Variants in BCL2 observed in about 807,000 individuals in gnomAD.
BCL2 encodes BCL2 apoptosis regulator.
In BCL2, 1 loss-of-function variant was observed where a neutral mutation model predicts 14.2. The observed-to-expected ratio is 0.07, with a 90% confidence interval of 0.02 to 0.33. BCL2 has a LOEUF of 0.33. Among genes scored for constraint, BCL2 ranks in the 10% least tolerant of loss-of-function variants. The probability of loss-of-function intolerance (pLI) is 0.99; values close to 1 mark genes in which losing one functional copy is unlikely to be tolerated. For missense variants in BCL2, 247 were observed against 305.9 expected, an observed-to-expected ratio of 0.81 and a Z score of 1.44; for synonymous variants, 151 against 137.2, an observed-to-expected ratio of 1.10 and a Z score of -0.70.
At chr18:63,159,994 AT>A (rs1161219579) in intron 2 of BCL2, among the ~76,000 whole-genome samples, 2 of 152,200 alleles carry the variant, frequency 1.3e-5, no homozygotes, top group Non-Finnish European at 2.9e-5. Flanking sequence ...TCTCAGTATC[AT>A]TTACATACAA....
At chr18:63,303,571 A>T (rs1913029702) in intron 2 of BCL2, among the ~76,000 whole-genome samples, 3 of 152,158 alleles carry the variant, frequency 2.0e-5, no homozygotes. Flanking sequence ...CATGAACATC[A>T]CTTGGATTGC....
intron 2 of BCL2, among the ~76,000 whole-genome samples, chr18:63,285,756 C>T (rs974445564): frequency 6.6e-6 from 1 of 152,174 alleles, no homozygotes; most frequent in African/African-American, 2.4e-5. Flanking sequence ...AATCTGTCTG[C>T]ATGGGGCTGG....
chr18:63,257,545 C>T (rs1319702902), intron 2 of BCL2, among the ~76,000 whole-genome samples: 1 of 152,166 alleles, frequency 6.6e-6, no homozygotes, highest in Admixed American at 6.5e-5. Flanking sequence ...ACTTTCAGAT[C>T]CTATCAATAG....
At position 63,212,934 on chromosome 18, in the gene BCL2, T is replaced by C. The variant is rs533959441; in HGVS notation, c.586-84175A>G. 2.1e-3 allele frequency among the ~76,000 whole-genome samples: 320 copies of C among 152,282 alleles called. 1 individual carries two copies. The highest frequency in any genetic ancestry group is 0.01 in the Middle Eastern group (3 of 294). ...AAGGATGAAAAAGTAGGAAAGAGACTGCAGGAAAGGAATGTGAGAGAGGAA... is the reference window on the plus strand; with the variant it reads ...AAGGATGAAAAAGTAGGAAAGAGACCGCAGGAAAGGAATGTGAGAGAGGAA... On this transcript the variant is annotated intron_variant, in intron 2 of 2. Transcript: ENST00000333681.
intron 2 of BCL2, among the ~76,000 whole-genome samples, chr18:63,132,644 AAT>A: frequency 6.6e-6 from 1 of 152,322 alleles, no homozygotes; most frequent in South Asian, 2.1e-4. Flanking sequence ...GCCCTTCTAC[AAT>A]TCCAAAGTGC....
At chr18:63,216,240 C>T (rs1035813727) in intron 2 of BCL2, among the ~76,000 whole-genome samples, 1 of 151,554 alleles carries the variant, frequency 6.6e-6, no homozygotes, top group South Asian at 2.1e-4. Context: ...AAAAATAACA[C>T]AGTGGAAGTG....
At chr18:63,244,069 C>T (rs1911087232) in intron 2 of BCL2, among the ~76,000 whole-genome samples, 1 of 152,086 alleles carries the variant, frequency 6.6e-6, no homozygotes, top group Non-Finnish European at 1.5e-5. Context: ...CATAGTGAGA[C>T]CTCGTCTCTA....
chr18:63,230,641 A>G lies in BCL2; in HGVS notation c.585+87441T>C, dbSNP rs185336271. On this transcript the variant is annotated intron_variant, in intron 2 of 2. Coordinates refer to ENST00000333681, the MANE Select transcript of BCL2 (RefSeq NM_000633.3). ...AACACTATTAGGCATAAAATGGGTC[A>G]TAACTAAATAGAGTAAAGATTTTAA... Among the ~76,000 whole-genome samples the G allele has an allele frequency of 1.8e-4, 27 of 152,188 alleles. No individual in the cohort carries two copies. The East Asian group carries it at 5.0e-3, about 28-fold the overall frequency.
chr18:63,198,331 CACACACACAGACACAGAG>C (rs1465959011), intron 2 of BCL2, among the ~76,000 whole-genome samples: 1 of 146,970 alleles, frequency 6.8e-6, no homozygotes, highest in South Asian at 2.2e-4. Context: ...GACACAGAGA[CACACACACAGACACAGAG>C]ACACACACAG....
At position 63,125,998 on chromosome 18, in the gene BCL2, C is replaced by T. The variant is rs17070680; in HGVS notation, c.*2627G>A. 163 of 215,782 alleles carry T rather than the reference C, an allele frequency of 7.6e-4. 1 individual carries two copies. In the East Asian group the frequency reaches 9.6e-3, roughly 13 times the overall value. 13.4% of individuals were successfully genotyped at this position (215,782 alleles called of 1,614,324 possible). A position where few individuals can be genotyped will look rare whatever the true frequency, so the allele number is the denominator to read the frequency against. On this transcript the variant is annotated 3_prime_UTR_variant, in exon 3 of 3. Coordinates refer to ENST00000333681, the MANE Select transcript of BCL2 (RefSeq NM_000633.3). ...ACAGGCTTTATATTAAAAACGTCCA[C>T]GTTCTTCATTGTTACTTCTAAAGCA...
intron 2 of BCL2, among the ~76,000 whole-genome samples, chr18:63,177,490 C>G (rs4987802): frequency 0.3 from 46,261 of 152,018 alleles, 9,302 homozygotes; most frequent in African/African-American, 0.54. Flanking sequence ...CTCTGAATAC[C>G]GGCTGTGAGC....
At chr18:63,133,078 A>G (rs1284306690) in intron 2 of BCL2, among the ~76,000 whole-genome samples, 2 of 152,178 alleles carry the variant, frequency 1.3e-5, no homozygotes, top group African/African-American at 2.4e-5. Context: ...TTTCCAATTC[A>G]GAGGCCACAG....
chr18:63,216,377 C>T (rs1021640066), intron 2 of BCL2, among the ~76,000 whole-genome samples: 1 of 134,910 alleles, frequency 7.4e-6, no homozygotes, highest in African/African-American at 2.7e-5. Context: ...CTGAAAGGAA[C>T]ATAGGAGGCC....
chr18:63,202,995 C>A (rs1422095279), intron 2 of BCL2, among the ~76,000 whole-genome samples: 1 of 152,176 alleles, frequency 6.6e-6, no homozygotes, highest in African/African-American at 2.4e-5. Context: ...TGGGGACTGG[C>A]GACCTGCTTG....
At chr18:63,317,943 G>C (rs4987711) in intron 2 of BCL2, 139 bp downstream of exon 2, 18,313 of 1,472,738 alleles carry the variant, frequency 0.012, 147 homozygotes, top group Middle Eastern at 0.015. Flanking sequence ...GAGGAGGTAG[G>C]GACGCCGGGA....
chr18:63,201,099 TTGA>T (rs1276332146), intron 2 of BCL2, among the ~76,000 whole-genome samples: 1 of 152,234 alleles, frequency 6.6e-6, no homozygotes, highest in Non-Finnish European at 1.5e-5. Context: ...GTCCACGGTC[TTGA>T]TGATTTCTGC....
rs1399059642 is a variant in BCL2 at position 63,299,250 on chromosome 18, C to T, written c.585+18832G>A. Among the ~76,000 whole-genome samples, 2 of 152,240 alleles carry T rather than the reference C, an allele frequency of 1.3e-5. 1 individual carries two copies. The highest frequency in any genetic ancestry group is 4.1e-4 in the South Asian group (2 of 4,834). On this transcript the variant is annotated intron_variant, in intron 2 of 2. Coordinates refer to ENST00000333681, the MANE Select transcript of BCL2 (RefSeq NM_000633.3). ...ATGTGTACCCAGCTGCCTGTGCATT[C>T]ATTCATTTAGTCAATATTACTGAGC...
intron 2 of BCL2, among the ~76,000 whole-genome samples, chr18:63,307,110 C>T (rs1913166383): frequency 6.6e-6 from 1 of 152,122 alleles, no homozygotes; most frequent in South Asian, 2.1e-4. Flanking sequence ...AAAACAATTA[C>T]CCACTTAAAA....
At chr18:63,226,110 C>A (rs532241803) in intron 2 of BCL2, among the ~76,000 whole-genome samples, 1 of 152,294 alleles carries the variant, frequency 6.6e-6, no homozygotes, top group South Asian at 2.1e-4. Flanking sequence ...CCCCTGAAGT[C>A]CAGCCATCCC....
Sources: gnomAD v4.1 joint callset for allele counts (sites outside exome capture counted in the v4.1 genomes callset) on GRCh38, gnomAD v4.1.1 for gene constraint, MANE v1.5 for transcripts, NCBI Gene and HGNC (gene_info 2026-07-23, HGNC 2026-07-21) for gene names.